The following RGS7 variants were observed in gnomAD, a reference collection of about 807,000 sequenced individuals.
RGS7 encodes regulator of G-protein signaling 7.
Under a neutral mutation model 81.1 loss-of-function variants are expected in RGS7, and 27 were observed. That is an observed-to-expected ratio of 0.33 (90% CI 0.25 to 0.46). RGS7 has a LOEUF of 0.46. Ranked by LOEUF, RGS7 falls within the 20% of genes least tolerant of loss-of-function variation. The probability of loss-of-function intolerance (pLI) is 1.00; values close to 1 mark genes in which losing one functional copy is unlikely to be tolerated. For missense variants in RGS7, 396 were observed against 607.4 expected (o/e 0.65, Z 3.66); for synonymous variants, 208 against 207.7 (o/e 1.00, Z -0.01).
At chr1:241,328,384 G>A (rs2148647247) in intron 2 of RGS7, among the ~76,000 whole-genome samples, 1 of 152,278 alleles carries the variant, frequency 6.6e-6, no homozygotes, top group East Asian at 1.9e-4. Flanking sequence ...GAAGAACACT[G>A]CTCACTTGTC....
chr1:241,260,905 C>T (rs1431639458), intron 2 of RGS7, among the ~76,000 whole-genome samples: 2 of 119,574 alleles, frequency 1.7e-5, no homozygotes, highest in Non-Finnish European at 3.2e-5. Flanking sequence ...AGGAACATCA[C>T]ACTCTGGGGA....
intron 9 of RGS7, among the ~76,000 whole-genome samples, chr1:240,835,696 T>C (rs796307095): frequency 4.6e-5 from 7 of 152,280 alleles, no homozygotes; most frequent in African/African-American, 1.7e-4. Context: ...AGATGTCCTT[T>C]AGTAGGTGAA....
intron 9 of RGS7, among the ~76,000 whole-genome samples, chr1:240,866,885 G>A (rs1663399655): frequency 6.6e-6 from 1 of 152,104 alleles, no homozygotes; most frequent in South Asian, 2.1e-4. Flanking sequence ...GAGTCCTTTT[G>A]GGTTGCCAGG....
chr1:241,134,866 C>A (rs1278408576), intron 2 of RGS7, among the ~76,000 whole-genome samples: 1 of 152,096 alleles, frequency 6.6e-6, no homozygotes, highest in South Asian at 2.1e-4. Context: ...AGGCCACTTA[C>A]AGTAATCAGC....
At chr1:240,973,374 C>T (rs1277739685) in intron 4 of RGS7, among the ~76,000 whole-genome samples, 8 of 151,578 alleles carry the variant, frequency 5.3e-5, no homozygotes, top group Non-Finnish European at 7.4e-5. Context: ...CAAAAATTAG[C>T]GGGGCGTGGT....
intron 2 of RGS7, among the ~76,000 whole-genome samples, chr1:241,221,057 A>AG (rs1558204085): frequency 1.5e-4 from 19 of 125,726 alleles, no homozygotes; most frequent in South Asian, 1.2e-3. Context: ...GAAAGAAAGA[A>AG]AGAGAGAGAG....
intron 9 of RGS7, among the ~76,000 whole-genome samples, chr1:240,838,827 C>CAA (rs1695127419): frequency 6.6e-6 from 1 of 151,264 alleles, no homozygotes; most frequent in East Asian, 2.0e-4. Flanking sequence ...AGTGCAGTGG[C>CAA]GCCATCTCGG....
At chr1:241,349,970 C>T (rs574119668) in intron 2 of RGS7, among the ~76,000 whole-genome samples, 68 of 152,274 alleles carry the variant, frequency 4.5e-4, no homozygotes, top group African/African-American at 1.6e-3. Flanking sequence ...TAAAATCCCT[C>T]GAGGGCTTCT....
chr1:240,797,192 A>G (rs1222635562), intron 18 of RGS7, among the ~76,000 whole-genome samples: 1 of 152,178 alleles, frequency 6.6e-6, no homozygotes, highest in South Asian at 2.1e-4. Context: ...CACAAAGACA[A>G]GACAGAAGGT....
At chr1:241,327,023 GAA>G (rs2081548163) in intron 2 of RGS7, among the ~76,000 whole-genome samples, 1 of 18,142 alleles carries the variant, frequency 5.5e-5, no homozygotes, top group African/African-American at 2.1e-4. Flanking sequence ...AGGAAGGAAG[GAA>G]GGAAGGAAGG....
At position 240,775,722 on chromosome 1, in the gene RGS7, T is replaced by G. The variant is rs1682832621; in HGVS notation, c.*498A>C. 1 of 170,124 alleles carries G rather than the reference T, an allele frequency of 5.9e-6. No homozygotes were observed. The highest frequency in any genetic ancestry group is 1.3e-5 in the Non-Finnish European group (1 of 77,014). The allele number at this position is 170,124 out of a possible 1,614,324, so 10.5% of individuals were successfully genotyped here. ...TTCTGACTGTGACACATTGGTGAAA[T>G]GAAACTTTCTGTGCGGAATTTATTG... On this transcript the variant is annotated 3_prime_UTR_variant, in exon 19 of 19. Coordinates refer to ENST00000440928, the MANE Select transcript of RGS7 (RefSeq NM_001364886.1).
At position 240,807,488 on chromosome 1, in the gene RGS7, C is replaced by T. The variant is rs151281276; in HGVS notation, c.1083-1162G>A. 9.9e-3 allele frequency among the ~76,000 whole-genome samples: 1,511 copies of T among 152,260 alleles called. 22 individuals carry two copies. The highest frequency in any genetic ancestry group is 0.034 in the African/African-American group (1,431 of 41,540). ...TACCTTCGTAACTACTAAGCTTTAACTTGACCATTAATAAATAATCAGAAA... is the reference window on the plus strand; with the variant it reads ...TACCTTCGTAACTACTAAGCTTTAATTTGACCATTAATAAATAATCAGAAA... On this transcript the variant is annotated intron_variant, in intron 14 of 18. Coordinates refer to ENST00000440928, the MANE Select transcript of RGS7 (RefSeq NM_001364886.1).
intron 2 of RGS7, among the ~76,000 whole-genome samples, chr1:241,291,570 C>CTTTTTTTTTTTTTTTT (rs397947911): frequency 0.015 from 1,396 of 93,888 alleles, 12 homozygotes; most frequent in East Asian, 0.017. Flanking sequence ...GAATTCCCAG[C>CTTTTTTTTTTTTTTTT]TTTTTTTTTT....
At chr1:241,301,424 AG>A (rs1191593809) in intron 2 of RGS7, among the ~76,000 whole-genome samples, 2 of 152,216 alleles carry the variant, frequency 1.3e-5, no homozygotes, top group Non-Finnish European at 2.9e-5. Flanking sequence ...AAGTCCACAA[AG>A]TAAGGAGATT....
At chr1:241,122,751 T>A (rs1205395979) in intron 2 of RGS7, among the ~76,000 whole-genome samples, 1 of 151,792 alleles carries the variant, frequency 6.6e-6, no homozygotes, top group Non-Finnish European at 1.5e-5. Context: ...AGCACTTACA[T>A]TGGCCTACAG....
intron 2 of RGS7, among the ~76,000 whole-genome samples, chr1:241,142,866 G>A (rs1558124044): frequency 6.6e-6 from 1 of 152,128 alleles, no homozygotes; most frequent in Non-Finnish European, 1.5e-5. Context: ...AAACTTTTAT[G>A]CTCTACTTCC....
At chr1:241,169,336 C>CTTTTTTT (rs57753661) in intron 2 of RGS7, among the ~76,000 whole-genome samples, 7 of 74,274 alleles carry the variant, frequency 9.4e-5, no homozygotes, top group Admixed American at 4.0e-4. Context: ...ATGTGTGTTT[C>CTTTTTTT]TTTTTTTTTT....
At chr1:240,977,980 A>G (rs1684394667) in intron 4 of RGS7, among the ~76,000 whole-genome samples, 1 of 152,242 alleles carries the variant, frequency 6.6e-6, no homozygotes, top group East Asian at 1.9e-4. Context: ...CATCACACTC[A>G]GTGACAACAT....
chr1:241,206,633 A>G (rs2073905125), intron 2 of RGS7, among the ~76,000 whole-genome samples: 1 of 152,088 alleles, frequency 6.6e-6, no homozygotes, highest in Non-Finnish European at 1.5e-5. Context: ...GCCCAATCTT[A>G]TTCTTTGTCA....
Sources: gnomAD v4.1 joint callset for allele counts (sites outside exome capture counted in the v4.1 genomes callset) on GRCh38, gnomAD v4.1.1 for gene constraint, MANE v1.5 for transcripts, NCBI Gene and HGNC (gene_info 2026-07-23, HGNC 2026-07-21) for gene names.